The following MTHFD1L variants were observed in gnomAD, a reference collection of about 807,000 sequenced individuals.
The protein encoded by MTHFD1L is monofunctional C1-tetrahydrofolate synthase, mitochondrial.
In MTHFD1L, 81 loss-of-function variants were observed where a neutral mutation model predicts 119.5. The observed-to-expected ratio is 0.68, with a 90% CI of 0.57 to 0.82. The LOEUF (loss-of-function observed/expected upper bound fraction) is 0.82. MTHFD1L is among the 40% of genes least tolerant of loss of function. The probability of loss-of-function intolerance (pLI) is 0.00; values close to 1 mark genes in which losing one functional copy is unlikely to be tolerated. For synonymous variants in MTHFD1L, 430 were observed against 475.2 expected, an observed-to-expected ratio of 0.90 and a Z score of 1.24; for missense variants, 1,125 against 1,253.4, an observed-to-expected ratio of 0.90 and a Z score of 1.55.
chr6:151,011,318 A>G (rs1307334957), intron 21 of MTHFD1L, among the ~76,000 whole-genome samples: 1 of 152,184 alleles, frequency 6.6e-6, no homozygotes, highest in Non-Finnish European at 1.5e-5. Context: ...AACAACTTCT[A>G]TTTTTAAAAA....
chr6:150,865,822 C>A lies in MTHFD1L; in HGVS notation c.-1C>A. 1 of 1,284,694 alleles carries A rather than the reference C, an allele frequency of 7.8e-7. No individual in the cohort carries two copies. 79.6% of individuals were successfully genotyped at this position (1,284,694 alleles called of 1,614,324 possible). ...CCCCTGAGAACCAGCCGTCCCGCGC[C>A]ATGGGCACGCGTCTGCCGCTCGTCC... On this transcript the variant is annotated 5_prime_UTR_variant, in exon 1 of 28. Coordinates refer to ENST00000367321, the MANE Select transcript of MTHFD1L (RefSeq NM_015440.5).
chr6:150,919,821 A>G (rs2128890848), intron 9 of MTHFD1L, among the ~76,000 whole-genome samples: 1 of 152,326 alleles, frequency 6.6e-6, no homozygotes, highest in East Asian at 1.9e-4. Context: ...ACTGGGGATT[A>G]CATTTCAAGA....
intron 26 of MTHFD1L, among the ~76,000 whole-genome samples, chr6:151,090,460 G>A (rs192532985): frequency 1.3e-5 from 2 of 152,320 alleles, no homozygotes; most frequent in East Asian, 1.9e-4. Flanking sequence ...CTGAAATTCC[G>A]AATATCTAAC....
intron 26 of MTHFD1L, among the ~76,000 whole-genome samples, chr6:151,088,623 A>ATTTTTTTTTTTTTTTTTT (rs71014539): frequency 7.8e-6 from 1 of 128,640 alleles, no homozygotes; most frequent in Non-Finnish European, 1.6e-5. Flanking sequence ...CACCCAGCTA[A>ATTTTTTTTTTTTTTTTTT]TTTTTTTTTT....
rs184985098 is a variant in MTHFD1L, at chr6:150,992,466, G to T, written c.2126-17353G>T. Among the ~76,000 whole-genome samples the T allele has an allele frequency of 1.4e-4, 21 of 152,314 alleles. No individual in the cohort carries two copies. The East Asian group carries it at 3.7e-3, about 27-fold the overall frequency. ...AGTAGAGGGGTGGGATGAGCGCATG[G>T]GATACTGAACTCAGCTATGCTGCTT... On this transcript the variant is annotated intron_variant, in intron 20 of 27. Coordinates refer to ENST00000367321, the MANE Select transcript of MTHFD1L (RefSeq NM_015440.5).
intron 26 of MTHFD1L, among the ~76,000 whole-genome samples, chr6:151,049,473 G>A (rs564285785): frequency 4.1e-4 from 54 of 130,446 alleles, no homozygotes; most frequent in Non-Finnish European, 7.1e-4. Flanking sequence ...GCCTGGGCAA[G>A]ACAGCGAGAC....
intron 26 of MTHFD1L, among the ~76,000 whole-genome samples, chr6:151,062,984 G>A (rs934123613): frequency 6.6e-6 from 1 of 151,958 alleles, no homozygotes; most frequent in Non-Finnish European, 1.5e-5. Flanking sequence ...GTATACATAT[G>A]TAACAAACCT....
intron 27 of MTHFD1L, among the ~76,000 whole-genome samples, chr6:151,096,017 A>G (rs564957180): frequency 1.3e-5 from 2 of 152,374 alleles, no homozygotes; most frequent in South Asian, 4.1e-4. Context: ...GACTCAACTC[A>G]GATCTGTTGA....
chr6:150,913,685 G>A (rs990015915), intron 8 of MTHFD1L, among the ~76,000 whole-genome samples: 3 of 151,950 alleles, frequency 2.0e-5, no homozygotes, highest in African/African-American at 7.2e-5. Context: ...TGGGTTTTAA[G>A]TTGTGTCTTA....
At chr6:151,051,511 T>C (rs1046681207) in intron 26 of MTHFD1L, among the ~76,000 whole-genome samples, 1 of 152,202 alleles carries the variant, frequency 6.6e-6, no homozygotes, top group Non-Finnish European at 1.5e-5. Flanking sequence ...CTATGGTTTA[T>C]GGGATCTTTG....
chr6:150,917,610 A>G (rs767965552), intron 8 of MTHFD1L, among the ~76,000 whole-genome samples: 18 of 152,234 alleles, frequency 1.2e-4, no homozygotes, highest in Non-Finnish European at 7.3e-5. Context: ...GGAAGAATAT[A>G]TATCCCTGTT....
intron 16 of MTHFD1L, among the ~76,000 whole-genome samples, chr6:150,949,359 T>C (rs803470): frequency 0.8 from 120,842 of 151,814 alleles, 48,914 homozygotes; most frequent in East Asian, 0.96. Context: ...CATCTACTCC[T>C]GTGTCTTCTA....
intron 21 of MTHFD1L, 110 bp from the exon 22 acceptor site, chr6:151,013,669 A>T: frequency 9.9e-7 from 1 of 1,014,610 alleles, no homozygotes; most frequent in Admixed American, 2.1e-5. Flanking sequence ...AGCACAAAAC[A>T]TAGAGGTACA....
At chr6:151,006,934 C>G (rs1222427913) in intron 20 of MTHFD1L, among the ~76,000 whole-genome samples, 1 of 152,070 alleles carries the variant, frequency 6.6e-6, no homozygotes, top group Non-Finnish European at 1.5e-5. Flanking sequence ...TTCAAAATAC[C>G]ATGGCATTGA....
intron 20 of MTHFD1L, among the ~76,000 whole-genome samples, chr6:150,999,011 T>C (rs1277692865): frequency 7.9e-6 from 1 of 127,220 alleles, no homozygotes; most frequent in Non-Finnish European, 1.7e-5. Flanking sequence ...TATACATATA[T>C]ATATATAGTT....
rs1376345401 is a variant in MTHFD1L, at chr6:150,866,128, G to A, written c.227+79G>A. On this transcript the variant is annotated intron_variant, in intron 1 of 27. Transcript: ENST00000367321. ...CAGGGGCGGAGCGCCCGGGACCGCCGTGGGGAGCGGGGCGCGGGGCTGCGA... is the reference window on the plus strand; with the variant it reads ...CAGGGGCGGAGCGCCCGGGACCGCCATGGGGAGCGGGGCGCGGGGCTGCGA... 4 of 1,440,882 alleles carry A rather than the reference G, an allele frequency of 2.8e-6. No homozygotes were observed. The African/African-American group carries it at 4.5e-5, about 16-fold the overall frequency. 89.3% of individuals were successfully genotyped at this position (1,440,882 alleles called of 1,614,324 possible).
rs534324308 is a variant in MTHFD1L at position 151,091,831 on chromosome 6, G to A, written c.2848-636G>A. Among the ~76,000 whole-genome samples the A allele has an allele frequency of 2.0e-5, 3 of 152,272 alleles. No homozygotes were observed. The East Asian group carries it at 5.8e-4, about 29-fold the overall frequency. On this transcript the variant is annotated intron_variant, in intron 26 of 27. Transcript: ENST00000367321. The stretch of plus-strand genomic sequence containing the variant: ...GCAACTTTTTACTAGTGTGACCTGG[G>A]CAAGTGACTTAGCCTCTCCAAACCT...
At chr6:150,915,801 A>C (rs1366124166) in intron 8 of MTHFD1L, among the ~76,000 whole-genome samples, 1 of 152,082 alleles carries the variant, frequency 6.6e-6, no homozygotes, top group Non-Finnish European at 1.5e-5. Flanking sequence ...ACAGGGTTTC[A>C]CCTTGTTGGC....
chr6:150,945,412 C>T, intron 14 of MTHFD1L, 55 bp from the exon 15 acceptor site: 3 of 1,431,602 alleles, frequency 2.1e-6, no homozygotes, highest in South Asian at 1.2e-5. Flanking sequence ...GTGAATTGTC[C>T]AAGTTCATGG....
Sources: allele counts gnomAD v4.1 joint callset (sites outside exome capture counted in the v4.1 genomes callset), GRCh38; gene constraint gnomAD v4.1.1; transcripts MANE v1.5; gene names NCBI Gene and HGNC (gene_info 2026-07-23, HGNC 2026-07-21).